CA1: variants seen among roughly 807,000 people sequenced by gnomAD.
The protein encoded by CA1 is carbonic anhydrase 1, also known as carbonate dehydratase I.
CA1 carries 27 observed loss-of-function variants against 28.8 expected under a neutral mutation model. The observed-to-expected ratio is 0.94, with a 90% CI of 0.69 to 1.29. The LOEUF (loss-of-function observed/expected upper bound fraction) is 1.29, where lower values mean the gene tolerates loss of function less well. CA1 is among the 50% of genes most tolerant of loss of function. The probability of loss-of-function intolerance (pLI) is 0.00; values close to 1 mark genes in which losing one functional copy is unlikely to be tolerated. For synonymous variants in CA1, 121 were observed against 108.8 expected, an observed-to-expected ratio of 1.11 and a Z score of -0.70; for missense variants, 335 against 310.5, an observed-to-expected ratio of 1.08 and a Z score of -0.59.
chr8:85,369,541 A>T (rs540143526), intron 1 of CA1, among the ~76,000 whole-genome samples: 1 of 152,336 alleles, frequency 6.6e-6, no homozygotes, highest in Admixed American at 6.5e-5. Flanking sequence ...AAGTAAAGAC[A>T]TGCATTTTGA....
At chr8:85,345,787 A>G (rs1310163121) in intron 1 of CA1, among the ~76,000 whole-genome samples, 1 of 152,092 alleles carries the variant, frequency 6.6e-6, no homozygotes, top group Non-Finnish European at 1.5e-5. Context: ...TCTCAGTTCT[A>G]TTAATGGGAG....
chr8:85,354,588 C>G (rs796670493), intron 1 of CA1, among the ~76,000 whole-genome samples: 1 of 152,102 alleles, frequency 6.6e-6, no homozygotes, highest in Non-Finnish European at 1.5e-5. Context: ...ATAGCAGATT[C>G]AAGGTGGAGT....
Position 85,353,181 on chromosome 8 carries a change from C to G in CA1, c.-24-11522G>C, listed in dbSNP as rs554763368. Among the ~76,000 whole-genome samples the G allele has an allele frequency of 2.0e-5, 3 of 152,352 alleles. No individual in the cohort carries two copies. In the East Asian group the frequency reaches 5.8e-4, roughly 29 times the overall value. Reference sequence around the variant, plus strand: ...AACATGAGCCATTAATCTTGTGCCACACTAATAACTAACATGACGCTATAG... The same window carrying G: ...AACATGAGCCATTAATCTTGTGCCAGACTAATAACTAACATGACGCTATAG... On this transcript the variant is annotated intron_variant, in intron 1 of 7. Coordinates refer to ENST00000523022, the MANE Select transcript of CA1 (RefSeq NM_001128831.4).
intron 1 of CA1, among the ~76,000 whole-genome samples, chr8:85,368,977 A>C (rs1190354357): frequency 6.6e-6 from 1 of 152,096 alleles, no homozygotes; most frequent in African/African-American, 2.4e-5. Context: ...GAGGCTCGAA[A>C]AAAGCTTCCC....
chr8:85,349,621 A>C (rs1469886266), intron 1 of CA1, among the ~76,000 whole-genome samples: 1 of 152,164 alleles, frequency 6.6e-6, no homozygotes, highest in Non-Finnish European at 1.5e-5. Context: ...TGCATGCTGC[A>C]TGCTGTGGTT....
chr8:85,342,621 T>C (rs1326455308), intron 1 of CA1: 1 of 152,262 alleles, frequency 6.6e-6, no homozygotes, highest in Non-Finnish European at 1.5e-5. Context: ...AACTGAATGA[T>C]GAGAAGGTAC....
rs150475113 is a variant in CA1 at position 85,336,997 on chromosome 8, G to T, written c.302C>A (p.Thr101Lys). ...TGTATGTTCTGAACCATGCTCATTT[G>T]TACTGCCCCAGTGAAAATGGAACTG... Reference protein sequence around the residue: ...LFQFHFHWGSTNEHGSEHTVD... With the variant: ...LFQFHFHWGSKNEHGSEHTVD... Residue 101 changes from threonine (T) to lysine (K), a missense_variant, in exon 4 of 8, where the codon ACA (threonine) becomes AAA (lysine). Thr to Lys is a moderately conservative substitution (Grantham distance 78, BLOSUM62 -1). Coordinates refer to ENST00000523022, the MANE Select transcript of CA1 (RefSeq NM_001128831.4). 7.4e-5 allele frequency: 119 copies of T among 1,613,024 alleles called. 2 individuals carry two copies. In the African/African-American group the frequency reaches 1.5e-3, roughly 21 times the overall value.
intron 1 of CA1, among the ~76,000 whole-genome samples, chr8:85,345,611 T>G (rs772606499): frequency 1.3e-5 from 2 of 152,186 alleles, no homozygotes; most frequent in Admixed American, 6.6e-5. Context: ...AAATTTAAAC[T>G]ATTGTATATT....
chr8:85,355,282 C>T (rs1205652199), intron 1 of CA1, among the ~76,000 whole-genome samples: 1 of 152,122 alleles, frequency 6.6e-6, no homozygotes, highest in Non-Finnish European at 1.5e-5. Flanking sequence ...AGAAACATCA[C>T]CCCAAAATTG....
chr8:85,335,941 C>A (rs1321802130), intron 4 of CA1, among the ~76,000 whole-genome samples: 1 of 152,134 alleles, frequency 6.6e-6, no homozygotes, highest in African/African-American at 2.4e-5. Flanking sequence ...ACGTAGCAGT[C>A]TGCCCTGGAA....
At position 85,375,048 on chromosome 8, in the gene CA1, TA is replaced by T. The variant is rs569108324; in HGVS notation, c.-25+2997del. Among the ~76,000 whole-genome samples, 597 of 152,312 alleles carry T rather than the reference TA, an allele frequency of 3.9e-3. 4 individuals are homozygous for T. The highest frequency in any genetic ancestry group is 6.8e-3 in the Middle Eastern group (2 of 294). On this transcript the variant is annotated intron_variant, in intron 1 of 7. Transcript: ENST00000523022. ...TTAAATATCTTTTGCAAATTTTATATAAAACATATGATTGTGTGAACACATT... is the reference window on the plus strand; with the variant it reads ...TTAAATATCTTTTGCAAATTTTATATAAACATATGATTGTGTGAACACATT...
chr8:85,370,897 G>A (rs1810198088), intron 1 of CA1, among the ~76,000 whole-genome samples: 2 of 152,114 alleles, frequency 1.3e-5, no homozygotes, highest in South Asian at 4.1e-4. Context: ...TCTTAGAAGT[G>A]TTAAATTTAC....
intron 1 of CA1, among the ~76,000 whole-genome samples, chr8:85,365,792 A>G (rs1316530841): frequency 6.6e-6 from 1 of 152,164 alleles, no homozygotes; most frequent in African/African-American, 2.4e-5. Context: ...TTGCATATCC[A>G]TCACCCTCCT....
intron 6 of CA1, among the ~76,000 whole-genome samples, chr8:85,330,537 C>G (rs921719706): frequency 1.1e-4 from 16 of 152,074 alleles, no homozygotes; most frequent in African/African-American, 3.9e-4. Context: ...TGTCTTGTCC[C>G]TGACTGAAAT....
intron 1 of CA1, among the ~76,000 whole-genome samples, chr8:85,356,902 A>G (rs1415714826): frequency 6.6e-6 from 1 of 152,246 alleles, no homozygotes; most frequent in Non-Finnish European, 1.5e-5. Context: ...ATTGACAAAC[A>G]TAATTTATTA....
At chr8:85,334,906 C>T (rs1808584471) in intron 4 of CA1, among the ~76,000 whole-genome samples, 1 of 152,120 alleles carries the variant, frequency 6.6e-6, no homozygotes, top group African/African-American at 2.4e-5. Context: ...AGGAGAATCA[C>T]TTGAACCTGA....
intron 3 of CA1, 68 bp downstream of exon 3, chr8:85,338,184 G>A (rs766723980): frequency 7.1e-6 from 9 of 1,258,914 alleles, no homozygotes; most frequent in East Asian, 2.3e-5. Context: ...CATATTTCTC[G>A]AGCACTATTT....
At chr8:85,372,056 C>T (rs372085958) in intron 1 of CA1, among the ~76,000 whole-genome samples, 5 of 152,226 alleles carry the variant, frequency 3.3e-5, no homozygotes, top group South Asian at 2.1e-4. Flanking sequence ...GTGCAGACTA[C>T]GTGCTAATGG....
At chr8:85,350,607 G>T (rs1055722204) in intron 1 of CA1, among the ~76,000 whole-genome samples, 2 of 152,286 alleles carry the variant, frequency 1.3e-5, no homozygotes, top group African/African-American at 4.8e-5. Context: ...AAAATGAGGG[G>T]ATGACATGTT....
Sources: gnomAD v4.1 joint callset for allele counts (sites outside exome capture counted in the v4.1 genomes callset) on GRCh38, gnomAD v4.1.1 for gene constraint, MANE v1.5 for transcripts, NCBI Gene and HGNC (gene_info 2026-07-23, HGNC 2026-07-21) for gene names.